The following GRIA1 variants were observed in gnomAD, a reference collection of about 807,000 sequenced individuals.
GRIA1 encodes glutamate ionotropic receptor AMPA type subunit 1.
A neutral mutation model predicts 99.2 loss-of-function variants in GRIA1; 31 were observed. That is an observed-to-expected ratio of 0.31 (90% confidence interval 0.23 to 0.42). GRIA1 has a LOEUF of 0.42. Ranked by LOEUF, GRIA1 falls within the 10% of genes least tolerant of loss-of-function variation. The probability of loss-of-function intolerance (pLI) is 1.00; values close to 1 mark genes in which losing one functional copy is unlikely to be tolerated. For synonymous variants in GRIA1, 438 were observed against 432.4 expected, an observed-to-expected ratio of 1.01 and a Z score of -0.16; for missense variants, 782 against 1,157.5, an observed-to-expected ratio of 0.68 and a Z score of 4.71.
At chr5:153,697,999 A>G in intron 8 of GRIA1, 45 bp from the exon 9 acceptor site, 1 of 1,044,408 alleles carries the variant, frequency 9.6e-7, no homozygotes, top group Non-Finnish European at 1.5e-6. Flanking sequence ...GCCAGTTCAG[A>G]GGAGGCTGGC....
intron 4 of GRIA1, among the ~76,000 whole-genome samples, chr5:153,650,896 T>TAAAA (rs71575151): frequency 3.1e-4 from 22 of 70,144 alleles, no homozygotes; most frequent in African/African-American, 9.0e-4. Flanking sequence ...CTGTCTCCAC[T>TAAAA]AAAAAAAAAA....
At chr5:153,559,805 C>T (rs1311788046) in intron 2 of GRIA1, among the ~76,000 whole-genome samples, 1 of 152,108 alleles carries the variant, frequency 6.6e-6, no homozygotes, top group African/African-American at 2.4e-5. Context: ...TGGTACATGA[C>T]TATATTTTGG....
At chr5:153,605,191 A>C (rs1298490604) in intron 2 of GRIA1, among the ~76,000 whole-genome samples, 1 of 152,100 alleles carries the variant, frequency 6.6e-6, no homozygotes, top group Admixed American at 6.5e-5. Flanking sequence ...TGTCTCAAAA[A>C]AAAAAAAAAG....
intron 2 of GRIA1, among the ~76,000 whole-genome samples, chr5:153,512,441 A>C (rs1057506603): frequency 6.6e-6 from 1 of 152,238 alleles, no homozygotes; most frequent in Non-Finnish European, 1.5e-5. Flanking sequence ...TTCTAAACAA[A>C]CATATTTGGA....
intron 5 of GRIA1, among the ~76,000 whole-genome samples, chr5:153,660,900 G>A (rs574474866): frequency 1.1e-3 from 171 of 152,300 alleles, no homozygotes; most frequent in South Asian, 2.9e-3. Context: ...AGAAGCTGAG[G>A]AAGAGATGAC....
At chr5:153,757,273 T>C (rs565378227) in intron 11 of GRIA1, among the ~76,000 whole-genome samples, 2 of 151,680 alleles carry the variant, frequency 1.3e-5, no homozygotes, top group South Asian at 4.2e-4. Flanking sequence ...AAGAATGAAA[T>C]AGAACAAAGA....
intron 11 of GRIA1, among the ~76,000 whole-genome samples, chr5:153,728,308 A>G (rs1476582258): frequency 6.6e-6 from 1 of 150,686 alleles, no homozygotes; most frequent in Non-Finnish European, 1.5e-5. Context: ...ATTACCATTC[A>G]GGACATAGGC....
chr5:153,663,296 C>T (rs531345447), intron 5 of GRIA1, among the ~76,000 whole-genome samples: 2 of 152,240 alleles, frequency 1.3e-5, no homozygotes, highest in South Asian at 2.1e-4. Context: ...GGAATTCAAA[C>T]TTAAAACCTT....
chr5:153,539,246 T>G (rs1353087), intron 2 of GRIA1, among the ~76,000 whole-genome samples: 150,876 of 152,348 alleles, frequency 0.99, 74,730 homozygotes, highest in East Asian at 1. Context: ...CTATTAATAG[T>G]TAGAAGCTAT....
In GRIA1 at chr5:153,650,389, G is replaced by A; in HGVS notation, c.520G>A (p.Ala174Thr). ...TAAEKNWQVT[A>T]VNILTTTEEG... ...TGCTGAGAAGAACTGGCAGGTGACA[G>A]CAGTCAACATTTTGACAACCACAGA... is the stretch of plus-strand genomic sequence containing the variant. Residue 174 changes from alanine to threonine, a missense_variant, in exon 4 of 16, where the codon GCA becomes ACA. Around this residue, in one of 5 missense-constraint regions of GRIA1, gnomAD observed 461 missense variants for 521.7 expected, o/e 0.88. Transcript: ENST00000285900. 6.2e-7 allele frequency: 1 copy of A among 1,614,000 alleles called. No homozygotes were observed. The highest frequency in any genetic ancestry group is 1.3e-5 in the African/African-American group (1 of 75,026).
intron 2 of GRIA1, among the ~76,000 whole-genome samples, chr5:153,517,473 C>T (rs1320349664): frequency 1.3e-5 from 2 of 152,068 alleles, no homozygotes; most frequent in African/African-American, 4.8e-5. Flanking sequence ...ATGGAAAGTC[C>T]CCTGGGCCCT....
chr5:153,727,174 C>T (rs566054073), intron 11 of GRIA1, among the ~76,000 whole-genome samples: 1 of 152,086 alleles, frequency 6.6e-6, no homozygotes, highest in Non-Finnish European at 1.5e-5. Context: ...AGGCCTTTGA[C>T]AAAATTCAAC....
intron 11 of GRIA1, among the ~76,000 whole-genome samples, chr5:153,731,892 A>T (rs1761059353): frequency 6.6e-6 from 1 of 151,994 alleles, no homozygotes; most frequent in African/African-American, 2.4e-5. Context: ...TCTTTGACCA[A>T]CATCTTATTT....
At position 153,589,385 on chromosome 5, in the gene GRIA1, T is replaced by C. The variant is rs1317430712; in HGVS notation, c.221-57543T>C. On this transcript the variant is annotated intron_variant, in intron 2 of 15. Transcript: ENST00000285900. ...ATTTCAAAGCTCCTGATGGATACTT[T>C]TCATTTTAATTAAGTACATTTTTGC... 2.0e-5 allele frequency among the ~76,000 whole-genome samples: 3 copies of C among 152,312 alleles called. No homozygotes were observed. The East Asian group carries it at 5.8e-4, about 29-fold the overall frequency.
At chr5:153,777,040 A>C (rs1764301847) in intron 13 of GRIA1, among the ~76,000 whole-genome samples, 1 of 152,196 alleles carries the variant, frequency 6.6e-6, no homozygotes, top group African/African-American at 2.4e-5. Context: ...CATTAAGTCG[A>C]TTGCTCTAAA....
intron 5 of GRIA1, 63 bp from the exon 6 acceptor site, chr5:153,674,437 A>C: frequency 6.3e-7 from 1 of 1,579,152 alleles, no homozygotes; most frequent in Admixed American, 1.7e-5. Flanking sequence ...GTGGTTTTGG[A>C]ACAGGTTAAG....
intron 3 of GRIA1, among the ~76,000 whole-genome samples, chr5:153,649,912 C>T (rs2963950): frequency 0.26 from 39,536 of 152,066 alleles, 5,980 homozygotes; most frequent in Non-Finnish European, 0.34. Context: ...TACTGAGTGC[C>T]GAATAAAACT....
At chr5:153,707,789 A>G (rs1489864810) in intron 11 of GRIA1, among the ~76,000 whole-genome samples, 3 of 147,620 alleles carry the variant, frequency 2.0e-5, no homozygotes, top group Non-Finnish European at 4.5e-5. Context: ...GTTCATTATA[A>G]TCTTGTTTTT....
intron 2 of GRIA1, among the ~76,000 whole-genome samples, chr5:153,575,856 T>C (rs958409027): frequency 2.6e-5 from 4 of 152,176 alleles, no homozygotes; most frequent in Non-Finnish European, 4.4e-5. Flanking sequence ...GGCTGGCAGT[T>C]AGACAAGGGA....
Sources: allele counts gnomAD v4.1 joint callset (sites outside exome capture counted in the v4.1 genomes callset), GRCh38; gene constraint gnomAD v4.1.1; regional missense constraint gnomAD v4.1.1; transcripts MANE v1.5; gene names NCBI Gene and HGNC (gene_info 2026-07-23, HGNC 2026-07-21).